The following PATJ variants were observed in gnomAD, a reference collection of about 807,000 sequenced individuals.
The protein encoded by PATJ is PATJ crumbs cell polarity complex component, also known as inaD-like protein.
PATJ carries 190 observed loss-of-function variants against 224.9 expected under a neutral mutation model. The observed-to-expected ratio is 0.84, with a 90% CI of 0.75 to 0.95. The LOEUF (loss-of-function observed/expected upper bound fraction) is 0.95, where lower values mean the gene tolerates loss of function less well. Ranked by LOEUF, PATJ falls within the 40% of genes least tolerant of loss-of-function variation. The probability of loss-of-function intolerance (pLI) is 0.00; values close to 1 mark genes in which losing one functional copy is unlikely to be tolerated. For missense variants in PATJ, 2,121 were observed against 2,270.3 expected (o/e 0.93, Z 1.34); for synonymous variants, 769 against 820.3 (o/e 0.94, Z 1.07).
intron 31 of PATJ, among the ~76,000 whole-genome samples, chr1:62,065,144 G>A (rs973704818): frequency 6.6e-6 from 1 of 152,214 alleles, no homozygotes; most frequent in African/African-American, 2.4e-5. Context: ...AGGTTTTACA[G>A]TCAAGTCTAC....
At chr1:61,993,470 C>T (rs923640103) in intron 28 of PATJ, among the ~76,000 whole-genome samples, 3 of 152,220 alleles carry the variant, frequency 2.0e-5, no homozygotes, top group Middle Eastern at 3.4e-3. Flanking sequence ...CTCATTCTCC[C>T]TGAGGGTCGG....
At chr1:62,070,462 A>G (rs1473722102) in intron 31 of PATJ, among the ~76,000 whole-genome samples, 1 of 152,190 alleles carries the variant, frequency 6.6e-6, no homozygotes, top group Admixed American at 6.6e-5. Flanking sequence ...TATAAAGCCC[A>G]TATTCTATTC....
chr1:62,153,468 CTG>C lies in PATJ; in HGVS notation c.5491_5492del (p.Val1831IlefsTer9). On this transcript the variant is annotated frameshift_variant, in exon 43 of 44. Coordinates refer to ENST00000642238, the MANE Select transcript of PATJ (RefSeq NM_001350145.3). LOFTEE classifies it high-confidence loss of function. ...GGAGACCTGCCAATTTATGTCAAGA[CTG>C]TATTTGCAAAGGTATATCTTCTTTT... 6 of 1,231,402 alleles carry C rather than the reference CTG, an allele frequency of 4.9e-6. No individual in the cohort carries two copies. Among genetic ancestry groups the C allele is most frequent in the Non-Finnish European group, 6.1e-6 (6 of 987,342 alleles). 76.3% of individuals were successfully genotyped at this position (1,231,402 alleles called of 1,614,324 possible).
At chr1:62,080,963 T>A (rs990583054) in intron 32 of PATJ, among the ~76,000 whole-genome samples, 3 of 152,182 alleles carry the variant, frequency 2.0e-5, no homozygotes, top group Admixed American at 6.5e-5. Context: ...CCTAAGAAAA[T>A]TTTATTAAAA....
Position 61,827,453 on chromosome 1 carries a change from G to T in PATJ, c.1850G>T (p.Arg617Leu). ...GGCATGCAGCTTTATGGAAAATCTC[G>T]CCGAGAAGCAGTCTCCTTTCTTAAA... is the stretch of plus-strand genomic sequence containing the variant. ...VNGMQLYGKS[R>L]REAVSFLKEV... The change falls in exon 16 of 44, where the codon CGC (arginine) becomes CTC (leucine). Residue 617 changes from arginine to leucine, a missense_variant. Physicochemically the swap from Arg to Leu is moderately radical, Grantham distance 102. Transcript: ENST00000642238. The T allele has an allele frequency of 6.2e-7, 1 of 1,613,644 alleles. No homozygotes were observed. Among genetic ancestry groups the T allele is most frequent in the Non-Finnish European group, 8.5e-7 (1 of 1,179,850 alleles).
At chr1:61,792,978 C>G (rs2148518730) in intron 9 of PATJ, among the ~76,000 whole-genome samples, 1 of 152,290 alleles carries the variant, frequency 6.6e-6, no homozygotes, top group East Asian at 1.9e-4. Flanking sequence ...GACTTTTGAG[C>G]AGTTCTGGAG....
At chr1:62,039,622 G>A (rs972178575) in intron 30 of PATJ, among the ~76,000 whole-genome samples, 2 of 152,190 alleles carry the variant, frequency 1.3e-5, no homozygotes, top group African/African-American at 4.8e-5. Flanking sequence ...TACAGAGAAG[G>A]CTACTTGTGT....
In PATJ at chr1:61,914,675, C is replaced by CCT; in HGVS notation, c.3570+15_3570+16dup. 1 of 1,498,824 alleles carries CCT rather than the reference C, an allele frequency of 6.7e-7. No homozygotes were observed. The highest frequency in any genetic ancestry group is 9.2e-7 in the Non-Finnish European group (1 of 1,083,512). 92.8% of individuals were successfully genotyped at this position (1,498,824 alleles called of 1,614,324 possible). A position where few individuals can be genotyped will look rare whatever the true frequency, so the allele number is the denominator to read the frequency against. ...GAAAAGAAAGAAAAGGTAACTTGAA[C>CCT]CTCTCAAGGATTTAAAAAATGTTTT... is the stretch of plus-strand genomic sequence containing the variant. On this transcript the variant is annotated intron_variant, in intron 26 of 43. Transcript: ENST00000642238.
chr1:61,763,971 G>GA, intron 3 of PATJ, among the ~76,000 whole-genome samples: 1 of 151,086 alleles, frequency 6.6e-6, no homozygotes, highest in South Asian at 2.1e-4. Flanking sequence ...TTTTCCTTAT[G>GA]AAGTCTTTTT....
chr1:61,919,986 A>G (rs1408988278), intron 26 of PATJ, among the ~76,000 whole-genome samples: 2 of 152,180 alleles, frequency 1.3e-5, no homozygotes, highest in Non-Finnish European at 2.9e-5. Context: ...TGATAGATCA[A>G]ACTAACTATT....
At chr1:62,096,966 A>G (rs1191368769) in intron 33 of PATJ, among the ~76,000 whole-genome samples, 1 of 152,122 alleles carries the variant, frequency 6.6e-6, no homozygotes, top group Admixed American at 6.6e-5. Context: ...CTTAGTATCT[A>G]TGTTAGGAGC....
At chr1:61,861,304 T>TTTTTTTTTTTTTTTTTTTTTTTTTG (rs1664551691) in intron 18 of PATJ, among the ~76,000 whole-genome samples, 1 of 135,460 alleles carries the variant, frequency 7.4e-6, no homozygotes, top group Non-Finnish European at 1.6e-5. Flanking sequence ...TTTTTTTTTT[T>TTTTTTTTTTTTTTTTTTTTTTTTTG]TTTACGTGAA....
chr1:61,904,808 A>G (rs1671646452), intron 24 of PATJ, among the ~76,000 whole-genome samples: 1 of 152,248 alleles, frequency 6.6e-6, no homozygotes, highest in African/African-American at 2.4e-5. Flanking sequence ...TGATGTCTAT[A>G]AATATGTTAT....
intron 29 of PATJ, among the ~76,000 whole-genome samples, chr1:62,022,676 T>TCA (rs1647155076): frequency 6.6e-6 from 1 of 152,180 alleles, no homozygotes; most frequent in Non-Finnish European, 1.5e-5. Context: ...GTATAACAAC[T>TCA]CACTCTCCAT....
At chr1:62,092,773 G>T (rs192062833) in intron 33 of PATJ, among the ~76,000 whole-genome samples, 1 of 143,870 alleles carries the variant, frequency 7.0e-6, no homozygotes, top group Admixed American at 6.7e-5. Flanking sequence ...GCCAAGTCTC[G>T]CTCTGTCACC....
chr1:62,134,436 C>G lies in PATJ; in HGVS notation c.5271+5491C>G, dbSNP rs1209857112. ...TCCTGGCTCGCTGCAACTTCCATCT[C>G]CCAGGTTCAAGCGATTCTCCTGCCT... On this transcript the variant is annotated intron_variant, in intron 41 of 43. Coordinates refer to ENST00000642238, the MANE Select transcript of PATJ (RefSeq NM_001350145.3). Among the ~76,000 whole-genome samples the G allele has an allele frequency of 2.0e-5, 3 of 150,648 alleles. No individual in the cohort carries two copies. In the East Asian group the frequency reaches 5.9e-4, roughly 30 times the overall value.
intron 17 of PATJ, among the ~76,000 whole-genome samples, chr1:61,846,743 C>T (rs982903421): frequency 6.6e-6 from 1 of 152,170 alleles, no homozygotes; most frequent in East Asian, 1.9e-4. Context: ...ATTACAGGTG[C>T]GCACCACCAA....
At chr1:62,109,111 A>G (rs1170998513) in intron 34 of PATJ, among the ~76,000 whole-genome samples, 1 of 152,128 alleles carries the variant, frequency 6.6e-6, no homozygotes, top group African/African-American at 2.4e-5. Context: ...AAAGCAGGCA[A>G]TGTCTGCACT....
intron 31 of PATJ, among the ~76,000 whole-genome samples, chr1:62,063,760 G>A (rs1156966448): frequency 6.6e-6 from 1 of 151,902 alleles, no homozygotes; most frequent in Non-Finnish European, 1.5e-5. Context: ...TTTTTTGTGT[G>A]GCTATTGTAA....
Sources: allele counts gnomAD v4.1 joint callset (sites outside exome capture counted in the v4.1 genomes callset), GRCh38; gene constraint gnomAD v4.1.1; transcripts MANE v1.5; gene names NCBI Gene and HGNC (gene_info 2026-07-23, HGNC 2026-07-21).